The following CNTNAP5 variants were observed in gnomAD, a reference collection of about 807,000 sequenced individuals.
CNTNAP5 encodes the protein contactin associated protein family member 5, also known as contactin-associated protein-like 5.
In CNTNAP5, 72 loss-of-function variants were observed where a neutral mutation model predicts 150.2. That is an observed-to-expected ratio of 0.48 (90% confidence interval 0.40 to 0.58). CNTNAP5 has a LOEUF of 0.58. Ranked by LOEUF, CNTNAP5 falls within the 20% of genes least tolerant of loss-of-function variation. The pLI is 0.00. For synonymous variants in CNTNAP5, 672 were observed against 619.8 expected (o/e 1.08, Z -1.25); for missense variants, 1,636 against 1,626.2 (o/e 1.01, Z -0.10).
At chr2:124,490,182 A>C (rs1375476151) in intron 7 of CNTNAP5, among the ~76,000 whole-genome samples, 6 of 152,070 alleles carry the variant, frequency 3.9e-5, no homozygotes, top group Non-Finnish European at 7.4e-5. Flanking sequence ...AAAAATCCAA[A>C]AATTAGCCAG....
intron 3 of CNTNAP5, among the ~76,000 whole-genome samples, chr2:124,290,532 T>A (rs2104633206): frequency 6.6e-6 from 1 of 152,302 alleles, no homozygotes; most frequent in African/African-American, 2.4e-5. Flanking sequence ...GGACCTCTAT[T>A]TCAATTTCCA....
At chr2:124,701,856 A>AATT in intron 13 of CNTNAP5, among the ~76,000 whole-genome samples, 1 of 151,872 alleles carries the variant, frequency 6.6e-6, no homozygotes, top group South Asian at 2.1e-4. Flanking sequence ...CCCATATTTT[A>AATT]ATTGAGTTAT....
intron 13 of CNTNAP5, among the ~76,000 whole-genome samples, chr2:124,721,157 C>G (rs1194819694): frequency 6.6e-6 from 1 of 152,092 alleles, no homozygotes; most frequent in Non-Finnish European, 1.5e-5. Flanking sequence ...CAGAACTGAC[C>G]AGCAGATTTG....
chr2:124,694,136 C>T (rs886205049), intron 13 of CNTNAP5, among the ~76,000 whole-genome samples: 13 of 152,256 alleles, frequency 8.5e-5, no homozygotes, highest in Middle Eastern at 6.8e-3. Context: ...CTGAGCTTCC[C>T]CCTCTTTAGT....
rs141539517 is a variant in CNTNAP5, at chr2:124,072,948, C to T, written c.82+47216C>T. ...AAACTGGAGGAATCACATTACAGGACTTCAAATAATACTACAGAACTATAG... is the reference window on the plus strand; with the variant it reads ...AAACTGGAGGAATCACATTACAGGATTTCAAATAATACTACAGAACTATAG... On this transcript the variant is annotated intron_variant, in intron 1 of 23. Coordinates refer to ENST00000682447, the MANE Select transcript of CNTNAP5 (RefSeq NM_001367498.1). 4.8e-3 allele frequency among the ~76,000 whole-genome samples: 725 copies of T among 152,166 alleles called. 8 individuals are homozygous for T. Among genetic ancestry groups the T allele is most frequent in the African/African-American group, 0.017 (702 of 41,552 alleles).
intron 3 of CNTNAP5, among the ~76,000 whole-genome samples, chr2:124,356,403 C>A (rs998932662): frequency 7.3e-5 from 11 of 150,566 alleles, no homozygotes; most frequent in African/African-American, 2.0e-4. Context: ...GTGCGCTGCA[C>A]CCACTAAATC....
At chr2:124,212,681 A>G (rs1686043232) in intron 1 of CNTNAP5, among the ~76,000 whole-genome samples, 1 of 152,176 alleles carries the variant, frequency 6.6e-6, no homozygotes, top group African/African-American at 2.4e-5. Context: ...TTGGAGGCAC[A>G]GTCCTCGACT....
intron 1 of CNTNAP5, among the ~76,000 whole-genome samples, chr2:124,096,502 T>G (rs1440011841): frequency 6.6e-6 from 1 of 152,112 alleles, no homozygotes; most frequent in Non-Finnish European, 1.5e-5. Flanking sequence ...TAAATGCACT[T>G]CCTTCATATT....
intron 3 of CNTNAP5, among the ~76,000 whole-genome samples, chr2:124,327,421 G>A (rs765701442): frequency 1.3e-5 from 2 of 152,012 alleles, no homozygotes; most frequent in South Asian, 4.1e-4. Context: ...GCATTCCAAG[G>A]TCAACCTGAA....
In CNTNAP5 at chr2:124,312,435, G is replaced by C. The variant is rs189242464; in HGVS notation, c.381+70042G>C. On this transcript the variant is annotated intron_variant, in intron 3 of 23. Coordinates refer to ENST00000682447, the MANE Select transcript of CNTNAP5 (RefSeq NM_001367498.1). ...GTGATCTCGGCTCACTGCAACCTCC[G>C]CACCACTCCCCACCCGCCCCCCGGC... Among the ~76,000 whole-genome samples, 55 of 152,010 alleles carry C rather than the reference G, an allele frequency of 3.6e-4. No individual in the cohort carries two copies. The East Asian group carries it at 9.7e-3, about 27-fold the overall frequency.
chr2:124,043,654 T>C (rs1289715510), intron 1 of CNTNAP5, among the ~76,000 whole-genome samples: 1 of 152,198 alleles, frequency 6.6e-6, no homozygotes, highest in Non-Finnish European at 1.5e-5. Flanking sequence ...AATCCTGATT[T>C]GTGCTTACCA....
intron 12 of CNTNAP5, among the ~76,000 whole-genome samples, chr2:124,611,883 C>G (rs1441890121): frequency 6.6e-6 from 1 of 152,176 alleles, no homozygotes; most frequent in Non-Finnish European, 1.5e-5. Context: ...CAAATACCAT[C>G]TCTTTTCATC....
intron 14 of CNTNAP5, among the ~76,000 whole-genome samples, 173 bp downstream of exon 14, chr2:124,747,558 A>G (rs1166843167): frequency 6.6e-6 from 1 of 151,274 alleles, no homozygotes; most frequent in Non-Finnish European, 1.5e-5. Flanking sequence ...TTTCAGTATG[A>G]CAACTTATGT....
intron 1 of CNTNAP5, among the ~76,000 whole-genome samples, chr2:124,160,432 A>T (rs1439640696): frequency 6.6e-6 from 1 of 152,126 alleles, no homozygotes; most frequent in Admixed American, 6.5e-5. Flanking sequence ...TCAGATCAAC[A>T]GTCGGAGTCC....
Position 124,786,398 on chromosome 2 carries a change from A to AAG in CNTNAP5, c.2753-3504_2753-3503insAG, listed in dbSNP as rs1553442120. On this transcript the variant is annotated intron_variant, in intron 17 of 23. Coordinates refer to ENST00000682447, the MANE Select transcript of CNTNAP5 (RefSeq NM_001367498.1). ...AAGAAAGAAAGAAAGAAAGAAAGAA[A>AAG]GAAGGAAGGAAGGAAGGAAGGAAGG... Among the ~76,000 whole-genome samples, 325 of 45,144 alleles carry AAG rather than the reference A, an allele frequency of 7.2e-3. 4 individuals are homozygous for AAG. The highest frequency in any genetic ancestry group is 0.025 in the East Asian group (37 of 1,474). The allele number at this position is 45,144 out of a possible 152,430, so 29.6% of individuals were successfully genotyped here.
In CNTNAP5 at chr2:124,811,981, A is replaced by T. The variant is rs192973792; in HGVS notation, c.3217+13661A>T. On this transcript the variant is annotated intron_variant, in intron 19 of 23. Coordinates refer to ENST00000682447, the MANE Select transcript of CNTNAP5 (RefSeq NM_001367498.1). ...ATATATATTTTTTATAATATATATAAAATTTATATTTATATATTATATAAT... is the reference window on the plus strand; with the variant it reads ...ATATATATTTTTTATAATATATATATAATTTATATTTATATATTATATAAT... 2.4e-3 allele frequency among the ~76,000 whole-genome samples: 162 copies of T among 66,282 alleles called. 1 individual carries two copies. The highest frequency in any genetic ancestry group is 8.4e-3 in the African/African-American group (155 of 18,438). 43.5% of individuals were successfully genotyped at this position (66,282 alleles called of 152,430 possible).
At chr2:124,090,458 A>G (rs1682787705) in intron 1 of CNTNAP5, among the ~76,000 whole-genome samples, 1 of 152,214 alleles carries the variant, frequency 6.6e-6, no homozygotes, top group African/African-American at 2.4e-5. Context: ...TGAGACTCTA[A>G]TCAATACCAA....
Position 124,531,924 on chromosome 2 carries a change from T to A in CNTNAP5, c.1649+4468T>A, listed in dbSNP as rs184243675. ...CAAGTTGCCCTGAACAGACACTCAG[T>A]TTAGCAGCCATTGCAACTGGGTTTC... On this transcript the variant is annotated intron_variant, in intron 10 of 23. Coordinates refer to ENST00000682447, the MANE Select transcript of CNTNAP5 (RefSeq NM_001367498.1). Among the ~76,000 whole-genome samples the A allele has an allele frequency of 1.3e-3, 201 of 152,286 alleles. 1 individual carries two copies. The highest frequency in any genetic ancestry group is 4.6e-3 in the African/African-American group (191 of 41,570).
chr2:124,250,924 G>A (rs1027658776), intron 3 of CNTNAP5, among the ~76,000 whole-genome samples: 2 of 151,984 alleles, frequency 1.3e-5, no homozygotes, highest in African/African-American at 4.8e-5. Flanking sequence ...TCTTAAGTAC[G>A]GTTTCCAGTT....
Sources: gnomAD v4.1 joint callset for allele counts (sites outside exome capture counted in the v4.1 genomes callset) on GRCh38, gnomAD v4.1.1 for gene constraint, MANE v1.5 for transcripts, NCBI Gene and HGNC (gene_info 2026-07-23, HGNC 2026-07-21) for gene names.